The following GALNT18 variants were observed in gnomAD, a reference collection of about 807,000 sequenced individuals.
The protein encoded by GALNT18 is GalNAc-transferase 18.
A neutral mutation model predicts 69.5 loss-of-function variants in GALNT18; 44 were observed. The ratio of observed to expected loss-of-function variants is 0.63; its 90% CI spans 0.50 to 0.81. GALNT18 has a LOEUF of 0.81. GALNT18 is among the 40% of genes least tolerant of loss of function. GALNT18 has a pLI of 0.00. For synonymous variants in GALNT18, 364 were observed against 318.2 expected, an observed-to-expected ratio of 1.14 and a Z score of -1.53; for missense variants, 715 against 810.0, an observed-to-expected ratio of 0.88 and a Z score of 1.42.
rs769925133 is a variant in GALNT18 at position 11,397,176 on chromosome 11, A to C, written c.596-17912T>G. On this transcript the variant is annotated intron_variant, in intron 3 of 10. Transcript: ENST00000227756. Reference sequence around the variant, plus strand: ...GCCTTTTGGTATTCTGGGCTTATCAACTCCTATCACCCACAAAGAATTGAG... The same window carrying C: ...GCCTTTTGGTATTCTGGGCTTATCACCTCCTATCACCCACAAAGAATTGAG... 5.1e-4 allele frequency among the ~76,000 whole-genome samples: 78 copies of C among 152,104 alleles called. 1 individual carries two copies. Among genetic ancestry groups the C allele is most frequent in the Admixed American group, 1.0e-3 (16 of 15,292 alleles).
chr11:11,476,291 G>C (rs1405199225), intron 1 of GALNT18: 1 of 152,062 alleles, frequency 6.6e-6, no homozygotes, highest in African/African-American at 2.4e-5. Context: ...TCGTCATCAT[G>C]TCTCCCGGGA....
chr11:11,437,487 C>G (rs1855430184), intron 2 of GALNT18, among the ~76,000 whole-genome samples: 1 of 152,014 alleles, frequency 6.6e-6, no homozygotes, highest in Admixed American at 6.6e-5. Flanking sequence ...AGAGATCCCC[C>G]AGGACTGTTT....
At chr11:11,344,097 GCTGGACCA>G (rs11277434) in intron 6 of GALNT18, among the ~76,000 whole-genome samples, 1,954 of 152,288 alleles carry the variant, frequency 0.013, 45 homozygotes, top group African/African-American at 0.044. Context: ...GAAGGTGTAA[GCTGGACCA>G]CTGCCTCTCC....
intron 6 of GALNT18, among the ~76,000 whole-genome samples, chr11:11,351,534 G>T (rs1228932388): frequency 1.3e-5 from 2 of 152,182 alleles, no homozygotes; most frequent in African/African-American, 4.8e-5. Context: ...GGGAAGGTAA[G>T]CTAGTTCAAG....
chr11:11,434,166 C>A (rs1855343503), intron 2 of GALNT18, among the ~76,000 whole-genome samples: 1 of 152,174 alleles, frequency 6.6e-6, no homozygotes, highest in East Asian at 1.9e-4. Context: ...AGATCAGCAT[C>A]TCCATGGTTA....
At chr11:11,371,695 C>G (rs1272479519) in intron 6 of GALNT18, among the ~76,000 whole-genome samples, 2 of 152,104 alleles carry the variant, frequency 1.3e-5, no homozygotes, top group Non-Finnish European at 2.9e-5. Context: ...CTCCCTGGTC[C>G]TAGAGGTGGG....
intron 1 of GALNT18, among the ~76,000 whole-genome samples, chr11:11,472,895 G>A (rs549905316): frequency 7.2e-5 from 11 of 152,112 alleles, no homozygotes; most frequent in Non-Finnish European, 1.5e-4. Flanking sequence ...AGGAGGCTGA[G>A]GTGAGAAGAT....
intron 7 of GALNT18, among the ~76,000 whole-genome samples, chr11:11,336,549 G>C (rs16909480): frequency 0.12 from 18,506 of 152,198 alleles, 1,250 homozygotes; most frequent in South Asian, 0.19. Context: ...CACCTGGGAA[G>C]GGTTGAAGGG....
At chr11:11,539,293 C>G (rs188843597) in intron 1 of GALNT18, among the ~76,000 whole-genome samples, 4 of 145,462 alleles carry the variant, frequency 2.7e-5, no homozygotes, top group African/African-American at 1.1e-4. Flanking sequence ...GCCTCCCCCA[C>G]AGTCTTCCCT....
chr11:11,413,948 T>C lies in GALNT18; in HGVS notation c.595+18673A>G, dbSNP rs1044803824. Among the ~76,000 whole-genome samples the C allele has an allele frequency of 2.6e-5, 4 of 152,216 alleles. No homozygotes were observed. The highest frequency in any genetic ancestry group is 9.7e-5 in the African/African-American group (4 of 41,446). On this transcript the variant is annotated intron_variant, in intron 3 of 10. Coordinates refer to ENST00000227756, the MANE Select transcript of GALNT18 (RefSeq NM_198516.3). This position sits in a 1 kb window ranked among gnomAD's most constrained non-coding sequence, Gnocchi z 4.7. ...TTCAGGACTTCACACTGGATCTTAC[T>C]CACCAAACCTGTTCTTCCTCTAATT...
intron 10 of GALNT18, among the ~76,000 whole-genome samples, chr11:11,292,457 T>G (rs556967835): frequency 7.9e-5 from 12 of 152,212 alleles, no homozygotes; most frequent in African/African-American, 2.7e-4. Flanking sequence ...CGGTCACTAG[T>G]GTGAGGACTG....
chr11:11,315,070 GTATA>G lies in GALNT18; in HGVS notation c.1512+12012_1512+12015del, dbSNP rs1187604258. Among the ~76,000 whole-genome samples the G allele has an allele frequency of 2.0e-5, 3 of 149,244 alleles. No individual in the cohort carries two copies. Among genetic ancestry groups the G allele is most frequent in the African/African-American group, 7.5e-5 (3 of 40,254 alleles). On this transcript the variant is annotated intron_variant, in intron 9 of 10. Coordinates refer to ENST00000227756, the MANE Select transcript of GALNT18 (RefSeq NM_198516.3). The surrounding 1 kb of genome is among the most constrained non-coding windows in gnomAD (Gnocchi z 5.6). ...TGTGTGTGTGTGTGTGTGTATGTGT[GTATA>G]TATGTGTACATACAGAAGTAAATGC...
chr11:11,326,986 G>C (rs1849932686), intron 9 of GALNT18, 100 bp downstream of exon 9: 1 of 857,606 alleles, frequency 1.2e-6, no homozygotes, highest in Non-Finnish European at 1.9e-6. Flanking sequence ...TGCCATGACA[G>C]AGCCTAGCTC....
intron 10 of GALNT18, among the ~76,000 whole-genome samples, chr11:11,286,587 A>C (rs1053477606): frequency 1.3e-5 from 2 of 152,068 alleles, no homozygotes; most frequent in African/African-American, 4.8e-5. Flanking sequence ...CTAGCTCAAG[A>C]CCTTGCACAC....
chr11:11,333,272 T>C (rs1199174221), intron 7 of GALNT18, among the ~76,000 whole-genome samples: 3 of 152,192 alleles, frequency 2.0e-5, no homozygotes, highest in Non-Finnish European at 2.9e-5. Flanking sequence ...AATAATACTA[T>C]TCCTAAGAAT....
rs1849723269 is a variant in GALNT18, at chr11:11,314,784, G to C, written c.1512+12302C>G. Among the ~76,000 whole-genome samples the C allele has an allele frequency of 6.6e-6, 1 of 152,212 alleles. No homozygotes were observed. The highest frequency in any genetic ancestry group is 2.4e-5 in the African/African-American group (1 of 41,450). On this transcript the variant is annotated intron_variant, in intron 9 of 10. Coordinates refer to ENST00000227756, the MANE Select transcript of GALNT18 (RefSeq NM_198516.3). This position sits in a 1 kb window ranked among gnomAD's most constrained non-coding sequence, Gnocchi z 5.2. ...ATTCTAAGGAGTCAGTGCTGGTAGA[G>C]AAAGCAGCGCTGCTGGGTGGTAGCC...
chr11:11,379,034 C>T (rs753463444), intron 4 of GALNT18, 47 bp downstream of exon 4: 5 of 1,486,964 alleles, frequency 3.4e-6, no homozygotes, highest in Non-Finnish European at 2.7e-6. Flanking sequence ...GGAGCTGAAG[C>T]CCCAGATCCC....
At chr11:11,521,093 T>G (rs1232920803) in intron 1 of GALNT18, among the ~76,000 whole-genome samples, 1 of 151,318 alleles carries the variant, frequency 6.6e-6, no homozygotes, top group Non-Finnish European at 1.5e-5. Context: ...TGGCAATTCC[T>G]CAGGGAGGAA....
Position 11,404,419 on chromosome 11 carries a change from G to GAGGAGC in GALNT18, c.596-25161_596-25156dup, listed in dbSNP as rs900572779. On this transcript the variant is annotated intron_variant, in intron 3 of 10. Coordinates refer to ENST00000227756, the MANE Select transcript of GALNT18 (RefSeq NM_198516.3). This position sits in a 1 kb window ranked among gnomAD's most constrained non-coding sequence, Gnocchi z 4.5. Reference sequence around the variant, plus strand: ...ATGCCCATGAAATTTAGCAAGGCAAGAGGAGCAGGAGCAGGAGCTGAAGCA... The same window carrying GAGGAGC: ...ATGCCCATGAAATTTAGCAAGGCAAGAGGAGCAGGAGCAGGAGCAGGAGCTGAAGCA... Among the ~76,000 whole-genome samples, 3 of 152,198 alleles carry GAGGAGC rather than the reference G, an allele frequency of 2.0e-5. No individual in the cohort carries two copies. The highest frequency in any genetic ancestry group is 7.2e-5 in the African/African-American group (3 of 41,446).
Sources: gnomAD v4.1 joint callset for allele counts (sites outside exome capture counted in the v4.1 genomes callset) on GRCh38, gnomAD v4.1.1 for gene constraint, Gnocchi (gnomAD v3.1) non-coding constraint, MANE v1.5 for transcripts, NCBI Gene and HGNC (gene_info 2026-07-23, HGNC 2026-07-21) for gene names.